Variants in MED17 observed in about 807,000 individuals in gnomAD.
MED17 encodes mediator complex subunit 17, also known as mediator of RNA polymerase II transcription subunit 17.
A neutral mutation model predicts 80.8 loss-of-function variants in MED17; 49 were observed. The observed-to-expected ratio is 0.61, with a 90% CI of 0.48 to 0.77. The LOEUF is 0.77. MED17 is among the 30% of genes least tolerant of loss of function. The pLI, the probability that MED17 is intolerant of heterozygous loss-of-function variation, is 0.00. For missense variants in MED17, 718 were observed against 787.0 expected (o/e 0.91, Z 1.05); for synonymous variants, 281 against 280.4 (o/e 1.00, Z -0.02).
chr11:93,809,921 G>A (rs1055467178), intron 11 of MED17, 45 bp downstream of exon 11: 1 of 1,601,884 alleles, frequency 6.2e-7, no homozygotes, highest in South Asian at 1.1e-5. Context: ...TGGGAGTTTG[G>A]CTTTAACATT....
In MED17 at chr11:93,797,746, C is replaced by T. The variant is rs200531476; in HGVS notation, c.1328+27C>T. ...TAAGGTTGAAGAAAGTTACTGTTTT[C>T]TGTTTTTTCTTTGAAATTGCAGTGT... On this transcript the variant is annotated intron_variant, in intron 8 of 11. Transcript: ENST00000251871. 1.4e-4 allele frequency: 230 copies of T among 1,588,072 alleles called. 1 individual carries two copies. Among genetic ancestry groups the T allele is most frequent in the Non-Finnish European group, 1.9e-4 (217 of 1,158,026 alleles).
At chr11:93,794,311 T>G (rs536312745) in intron 5 of MED17, 4 of 334,122 alleles carry the variant, frequency 1.2e-5, no homozygotes, top group Non-Finnish European at 2.3e-5. Context: ...TTCAAGCGAT[T>G]CTCCTGCCTC....
chr11:93,804,751 T>C (rs1365135618), intron 9 of MED17, among the ~76,000 whole-genome samples: 4 of 152,230 alleles, frequency 2.6e-5, no homozygotes, highest in African/African-American at 7.2e-5. Context: ...CCCTATGTTG[T>C]ATAACCATCA....
At chr11:93,802,120 T>A (rs78117944) in intron 9 of MED17, 148 bp downstream of exon 9, 1 of 721,556 alleles carries the variant, frequency 1.4e-6, no homozygotes, top group Non-Finnish European at 2.2e-6. Context: ...TTTTTTTTTT[T>A]AATAGGTGGA....
intron 10 of MED17, chr11:93,809,191 G>A: frequency 9.1e-6 from 2 of 220,508 alleles, no homozygotes; most frequent in Admixed American, 5.2e-5. Context: ...AGTCCATCTT[G>A]AGAAGCCTAG....
In MED17 at chr11:93,795,011, A is replaced by G; in HGVS notation, c.963A>G (p.Gln321=). The change falls in exon 6 of 12, where the codon CAA becomes CAG. Residue 321 remains glutamine, a synonymous_variant. Transcript: ENST00000251871. ...LSREAVQIKS[Q]VPHIVVKNQI... is the part of the protein sequence containing the mutation. ...GGGAAGCTGTTCAAATTAAATCACA[A>G]GTCCCTCACATTGTGGTGAAAAACC... 1 of 1,614,200 alleles carries G rather than the reference A, an allele frequency of 6.2e-7. No individual in the cohort carries two copies. The highest frequency in any genetic ancestry group is 8.5e-7 in the Non-Finnish European group (1 of 1,180,022).
Position 93,807,605 on chromosome 11 carries a change from G to A in MED17, c.1554G>A (p.Glu518=), listed in dbSNP as rs756251649. 171 of 1,611,836 alleles carry A rather than the reference G, an allele frequency of 1.1e-4. No homozygotes were observed. Among genetic ancestry groups the A allele is most frequent in the Non-Finnish European group, 1.4e-4 (164 of 1,178,156 alleles). ...GAGTAATTACACTGTCTTATCAGGAGCAGGAGCTACAGGATTTTCTTCTGT... is the reference window on the plus strand; with the variant it reads ...GAGTAATTACACTGTCTTATCAGGAACAGGAGCTACAGGATTTTCTTCTGT... ...DGRVITLSYQ[E]QELQDFLLSQ... is the part of the protein sequence containing the mutation. The change falls in exon 10 of 12, where the codon GAG becomes GAA. Residue 518 remains glutamate, a synonymous_variant. Coordinates refer to ENST00000251871, the MANE Select transcript of MED17 (RefSeq NM_004268.5).
At position 93,812,445 on chromosome 11, in the gene MED17, C is replaced by CTTTTTTTTTTTTTTTTT. The variant is rs553014429; in HGVS notation, c.*392_*393insTTTTTTTTTTTTTTTTT. 3.0e-6 allele frequency: 1 copy of CTTTTTTTTTTTTTTTTT among 332,670 alleles called. No individual in the cohort carries two copies. The highest frequency in any genetic ancestry group is 2.2e-5 in the African/African-American group (1 of 44,584). The allele number at this position is 332,670 out of a possible 1,614,324, so 20.6% of individuals were successfully genotyped here. ...TTTTTCCCCCCAAATACTTTCTAAA[C>CTTTTTTTTTTTTTTTTT]TTTTTTTTTTTGAGATGGTATCTCA... On this transcript the variant is annotated 3_prime_UTR_variant, in exon 12 of 12. Transcript: ENST00000251871.
intron 9 of MED17, among the ~76,000 whole-genome samples, chr11:93,805,527 G>A (rs1944014049): frequency 6.6e-6 from 1 of 152,180 alleles, no homozygotes; most frequent in Non-Finnish European, 1.5e-5. Flanking sequence ...GTTACAGTGA[G>A]CTGAGATTGT....
At chr11:93,785,455 C>G (rs984997165) in intron 1 of MED17, among the ~76,000 whole-genome samples, 1 of 151,832 alleles carries the variant, frequency 6.6e-6, no homozygotes, top group African/African-American at 2.4e-5. Flanking sequence ...AAAAAAAAAT[C>G]AAAATTCTTA....
chr11:93,803,969 A>G (rs989500874), intron 9 of MED17, among the ~76,000 whole-genome samples: 1 of 137,686 alleles, frequency 7.3e-6, no homozygotes, highest in African/African-American at 3.1e-5. Context: ...GTATGTGTGT[A>G]TATGTGTGTG....
chr11:93,795,659 A>T (rs1311987913), intron 6 of MED17: 2 of 153,650 alleles, frequency 1.3e-5, no homozygotes, highest in South Asian at 4.0e-4. Context: ...CCTGGAGATC[A>T]GTTTGTATTT....
At chr11:93,807,351 T>C (rs766197990) in intron 9 of MED17, 167 bp from the exon 10 acceptor site, 1 of 579,866 alleles carries the variant, frequency 1.7e-6, no homozygotes, top group Non-Finnish European at 3.1e-6. Flanking sequence ...AAGCGGAGGT[T>C]GCAGTGAGCT....
At chr11:93,807,665 CCTT>C (rs1200912641) in intron 10 of MED17, 30 bp downstream of exon 10, 3 of 1,248,578 alleles carry the variant, frequency 2.4e-6, no homozygotes, top group African/African-American at 1.5e-5. Context: ...TCTTAAGCCC[CCTT>C]CTTCGCATAG....
At chr11:93,797,981 C>T (rs745387491) in intron 8 of MED17, among the ~76,000 whole-genome samples, 3 of 152,156 alleles carry the variant, frequency 2.0e-5, no homozygotes, top group South Asian at 2.1e-4. Flanking sequence ...CTTACAACAC[C>T]ATACTTTCTT....
chr11:93,808,161 C>G (rs1944045704), intron 10 of MED17: 1 of 165,010 alleles, frequency 6.1e-6, no homozygotes. Context: ...GTTGGGAGTT[C>G]AATACCAGCC....
intron 9 of MED17, 26 bp downstream of exon 9, chr11:93,801,998 T>G (rs554567642): frequency 6.3e-7 from 1 of 1,598,572 alleles, no homozygotes; most frequent in Admixed American, 1.7e-5. Context: ...AAAAGTTTTG[T>G]ATTTAATATG....
At chr11:93,794,853 C>T in intron 5 of MED17, 55 bp from the exon 6 acceptor site, 2 of 1,548,626 alleles carry the variant, frequency 1.3e-6, no homozygotes, top group Non-Finnish European at 8.9e-7. Context: ...ACCATTTAAA[C>T]TAGTTAATGC....
intron 9 of MED17, among the ~76,000 whole-genome samples, chr11:93,805,102 A>C (rs1944010555): frequency 1.3e-5 from 2 of 152,270 alleles, no homozygotes; most frequent in Non-Finnish European, 2.9e-5. Flanking sequence ...TATATGAGTG[A>C]GTAAACATTA....
Sources: allele counts gnomAD v4.1 joint callset (sites outside exome capture counted in the v4.1 genomes callset), GRCh38; gene constraint gnomAD v4.1.1; transcripts MANE v1.5; gene names NCBI Gene and HGNC (gene_info 2026-07-23, HGNC 2026-07-21).